Variants in IQCM observed in about 807,000 individuals in gnomAD.
IQCM encodes IQ domain-containing protein M.
A neutral mutation model predicts 57.6 loss-of-function variants in IQCM; 45 were observed. The observed-to-expected ratio is 0.78, with a 90% CI of 0.62 to 1.00. The LOEUF (loss-of-function observed/expected upper bound fraction) is 1.00, where lower values mean the gene tolerates loss of function less well. Ranked by LOEUF, IQCM falls within the 50% of genes least tolerant of loss-of-function variation. The pLI is 0.00. For missense variants in IQCM, 468 were observed against 511.6 expected (o/e 0.91, Z 0.82); for synonymous variants, 148 against 158.9 (o/e 0.93, Z 0.51).
chr4:149,356,481 G>A (rs1263127185), intron 13 of IQCM, among the ~76,000 whole-genome samples: 1 of 151,770 alleles, frequency 6.6e-6, no homozygotes, highest in African/African-American at 2.4e-5. Flanking sequence ...AGTTTTCCCA[G>A]CACCATTTAT....
At chr4:149,642,263 TA>T (rs1158706477) in intron 7 of IQCM, among the ~76,000 whole-genome samples, 1 of 152,158 alleles carries the variant, frequency 6.6e-6, no homozygotes, top group African/African-American at 2.4e-5. Flanking sequence ...ACCTCATGTT[TA>T]AAAGATTCAT....
intron 7 of IQCM, among the ~76,000 whole-genome samples, chr4:149,673,408 A>G (rs894182221): frequency 6.6e-6 from 1 of 152,128 alleles, no homozygotes; most frequent in African/African-American, 2.4e-5. Flanking sequence ...CATAGGCTCA[A>G]AATAAAGGGA....
intron 13 of IQCM, among the ~76,000 whole-genome samples, chr4:149,397,137 T>A (rs1487882470): frequency 1.3e-5 from 2 of 151,918 alleles, no homozygotes; most frequent in Non-Finnish European, 2.9e-5. Flanking sequence ...TTCCATGGTG[T>A]CTATACCAAT....
chr4:149,623,716 C>CAG (rs1756546120), intron 7 of IQCM, among the ~76,000 whole-genome samples: 1 of 146,632 alleles, frequency 6.8e-6, no homozygotes, highest in Non-Finnish European at 1.5e-5. Flanking sequence ...TTCTGAATCC[C>CAG]AGGTGTGTGT....
chr4:149,564,366 T>A (rs571451474), intron 9 of IQCM, among the ~76,000 whole-genome samples: 14 of 152,296 alleles, frequency 9.2e-5, no homozygotes, highest in African/African-American at 3.1e-4. Context: ...TCATGGCCTA[T>A]AGGATCAGCA....
chr4:149,670,111 A>G (rs970537413), intron 7 of IQCM, among the ~76,000 whole-genome samples: 1 of 152,216 alleles, frequency 6.6e-6, no homozygotes, highest in Non-Finnish European at 1.5e-5. Flanking sequence ...ATCCATGAGC[A>G]TGGCATGTTC....
chr4:149,718,763 C>A (rs969314696), intron 5 of IQCM, among the ~76,000 whole-genome samples: 3 of 152,150 alleles, frequency 2.0e-5, no homozygotes, highest in Non-Finnish European at 2.9e-5. Context: ...GTGGTTACAT[C>A]ACATGAATCC....
chr4:149,551,873 C>A (rs1264590621), intron 11 of IQCM, among the ~76,000 whole-genome samples: 1 of 62,810 alleles, frequency 1.6e-5, no homozygotes, highest in African/African-American at 8.6e-5. Flanking sequence ...TTCTCTATCA[C>A]TGCCTCTCTC....
chr4:149,414,500 G>A (rs1578980004), intron 13 of IQCM, among the ~76,000 whole-genome samples: 1 of 152,122 alleles, frequency 6.6e-6, no homozygotes, highest in African/African-American at 2.4e-5. Flanking sequence ...GTGAACCTGA[G>A]AGAGTGCACA....
Position 149,736,372 on chromosome 4 carries a change from G to A in IQCM, c.38-914C>T, listed in dbSNP as rs555203944. Among the ~76,000 whole-genome samples the A allele has an allele frequency of 8.7e-4, 133 of 152,204 alleles. 4 individuals are homozygous for A. In the Middle Eastern group the frequency reaches 0.01, roughly 12 times the overall value. On this transcript the variant is annotated intron_variant, in intron 3 of 13. Transcript: ENST00000636793. ...ATATTTTCTTTATTATTAGCTGATT[G>A]TGTGCTTGCTTCAGCAGCACAAATA...
At chr4:149,535,630 GAAAACAGACACACTTTAGA>G (rs1351570371) in intron 12 of IQCM, among the ~76,000 whole-genome samples, 1 of 151,982 alleles carries the variant, frequency 6.6e-6, no homozygotes, top group Non-Finnish European at 1.5e-5. Flanking sequence ...TCTACTTAAA[GAAAACAGACACACTTTAGA>G]AGAATAACTC....
At chr4:149,633,291 C>T (rs1208498221) in intron 7 of IQCM, among the ~76,000 whole-genome samples, 2 of 151,450 alleles carry the variant, frequency 1.3e-5, no homozygotes, top group Admixed American at 6.6e-5. Flanking sequence ...ATTGGATGTA[C>T]GGATTAGCCA....
rs371144142 is a variant in IQCM at position 149,491,586 on chromosome 4, G to T, written c.1228+56869C>A. Among the ~76,000 whole-genome samples the T allele has an allele frequency of 3.3e-5, 5 of 152,006 alleles. No individual in the cohort carries two copies. The East Asian group carries it at 9.6e-4, about 29-fold the overall frequency. ...CATCTATGTTTTTTGCAAATGGAAG[G>T]ATTTCCTTCTTCTTAAAGGTGAAAT... On this transcript the variant is annotated intron_variant, in intron 12 of 13. Transcript: ENST00000636793.
chr4:149,671,543 T>C (rs1761286364), intron 7 of IQCM, among the ~76,000 whole-genome samples: 2 of 152,222 alleles, frequency 1.3e-5, no homozygotes, highest in African/African-American at 2.4e-5. Flanking sequence ...TTGCTCTTGC[T>C]TCTCCAGTTC....
At chr4:149,501,346 G>A (rs181844907) in intron 12 of IQCM, among the ~76,000 whole-genome samples, 1 of 152,234 alleles carries the variant, frequency 6.6e-6, no homozygotes, top group Admixed American at 6.5e-5. Flanking sequence ...GGTATCTTGA[G>A]GGCCTGAAAT....
At chr4:149,430,707 T>G (rs1318374784) in intron 13 of IQCM, among the ~76,000 whole-genome samples, 2 of 152,184 alleles carry the variant, frequency 1.3e-5, no homozygotes, top group East Asian at 3.9e-4. Flanking sequence ...CTGCTGAGTA[T>G]TCTACATGGA....
At chr4:149,651,205 A>G (rs1285111456) in intron 7 of IQCM, among the ~76,000 whole-genome samples, 2 of 152,172 alleles carry the variant, frequency 1.3e-5, no homozygotes, top group East Asian at 1.9e-4. Context: ...CATCCTGAGG[A>G]GCAAATCCAT....
chr4:149,391,829 C>A (rs1731878605), intron 13 of IQCM, among the ~76,000 whole-genome samples: 1 of 151,896 alleles, frequency 6.6e-6, no homozygotes, highest in African/African-American at 2.4e-5. Context: ...ACATTTTGGT[C>A]AAATAACATA....
intron 12 of IQCM, among the ~76,000 whole-genome samples, chr4:149,481,702 T>TTTTTTTTTG (rs1740852834): frequency 8.1e-6 from 1 of 123,636 alleles, no homozygotes; most frequent in Non-Finnish European, 1.7e-5. Context: ...TCCAGTTTTG[T>TTTTTTTTTG]TTTTTTTTTT....
Sources: gnomAD v4.1 joint callset for allele counts (sites outside exome capture counted in the v4.1 genomes callset) on GRCh38, gnomAD v4.1.1 for gene constraint, MANE v1.5 for transcripts, NCBI Gene and HGNC (gene_info 2026-07-23, HGNC 2026-07-21) for gene names.